Variants in DSC3 observed in about 807,000 individuals in gnomAD.
The protein encoded by DSC3 is desmocollin 3.
DSC3 carries 97 observed loss-of-function variants against 89.5 expected under a neutral mutation model. The ratio of observed to expected loss-of-function variants is 1.08; its 90% CI spans 0.92 to 1.28. The LOEUF (loss-of-function observed/expected upper bound fraction) is 1.28, where lower values mean the gene tolerates loss of function less well. Among genes scored for constraint, DSC3 ranks in the 50% most tolerant of loss-of-function variants. The pLI, the probability that DSC3 is intolerant of heterozygous loss-of-function variation, is 0.00. For synonymous variants in DSC3, 436 were observed against 384.1 expected (o/e 1.14, Z -1.58); for missense variants, 1,199 against 1,085.3 (o/e 1.10, Z -1.47).
Position 30,991,443 on chromosome 18 carries a change from T to A in DSC3, c.*2732A>T, listed in dbSNP as rs1984238345. The A allele has an allele frequency of 6.6e-6, 1 of 152,440 alleles. No individual in the cohort carries two copies. The highest frequency in any genetic ancestry group is 1.5e-5 in the Non-Finnish European group (1 of 68,040). The allele number at this position is 152,440 out of a possible 1,614,324, so 9.4% of individuals were successfully genotyped here. On this transcript the variant is annotated 3_prime_UTR_variant, in exon 16 of 16. Coordinates refer to ENST00000360428, the MANE Select transcript of DSC3 (RefSeq NM_001941.5). The stretch of plus-strand genomic sequence containing the variant: ...ATGAATCCCTAAAATTAAATTTTCA[T>A]TTGAGAGAAAAGAATTACAAATTCG...
At chr18:31,034,871 A>G (rs1985921246) in intron 1 of DSC3, among the ~76,000 whole-genome samples, 1 of 148,308 alleles carries the variant, frequency 6.7e-6, no homozygotes, top group Non-Finnish European at 1.5e-5. Context: ...CTAAAATTAG[A>G]TTATTGCACA....
Position 30,991,791 on chromosome 18 carries a change from G to T in DSC3, c.*2384C>A, listed in dbSNP as rs1471110169. ...CTGGCTTCTCGACTGTCTTTTGGTT[G>T]AGTATTTCAAGATTGATCCAATTCG... On this transcript the variant is annotated 3_prime_UTR_variant, in exon 16 of 16. Transcript: ENST00000360428. The T allele has an allele frequency of 6.6e-6, 1 of 152,138 alleles. No homozygotes were observed. Among genetic ancestry groups the T allele is most frequent in the Non-Finnish European group, 1.5e-5 (1 of 68,040 alleles). The allele number at this position is 152,138 out of a possible 1,614,324, so 9.4% of individuals were successfully genotyped here.
In DSC3 at chr18:31,036,267, A is replaced by G. The variant is rs544647402; in HGVS notation, c.70-3991T>C. ...TGACTTTTTCCATGTTGCCAACCTA[A>G]TGGCTGTTTTAATTTGCATTTTATT... is the stretch of plus-strand genomic sequence containing the variant. On this transcript the variant is annotated intron_variant, in intron 1 of 15. Transcript: ENST00000360428. Among the ~76,000 whole-genome samples, 3 of 152,184 alleles carry G rather than the reference A, an allele frequency of 2.0e-5. No individual in the cohort carries two copies. The East Asian group carries it at 5.8e-4, about 29-fold the overall frequency.
In DSC3 at chr18:30,993,333, T is replaced by C. The variant is rs1431000251; in HGVS notation, c.*842A>G. 3 of 152,156 alleles carry C rather than the reference T, an allele frequency of 2.0e-5. No individual in the cohort carries two copies. Among genetic ancestry groups the C allele is most frequent in the South Asian group, 2.1e-4 (1 of 4,830 alleles). 9.4% of individuals were successfully genotyped at this position (152,156 alleles called of 1,614,324 possible). ...ACAGACTGCAAAGCAAAGCTACTGT[T>C]CCATTGGATTCCCTATTTCCTTCCC... On this transcript the variant is annotated 3_prime_UTR_variant, in exon 16 of 16. Coordinates refer to ENST00000360428, the MANE Select transcript of DSC3 (RefSeq NM_001941.5).
intron 1 of DSC3, among the ~76,000 whole-genome samples, chr18:31,041,437 T>C (rs1388890376): frequency 1.3e-5 from 2 of 152,164 alleles, no homozygotes. Flanking sequence ...ACCAATCCCA[T>C]ATTCATACCT....
chr18:31,027,760 G>A (rs1216099542), intron 4 of DSC3, among the ~76,000 whole-genome samples: 2 of 152,116 alleles, frequency 1.3e-5, no homozygotes, highest in Non-Finnish European at 2.9e-5. Flanking sequence ...GCTAGCTTGA[G>A]GATTTGTTTC....
At chr18:30,996,656 G>T in intron 15 of DSC3, 135 bp downstream of exon 15, 1 of 904,572 alleles carries the variant, frequency 1.1e-6, no homozygotes, top group Non-Finnish European at 1.6e-6. Flanking sequence ...CAAAATCAAA[G>T]AGCACGGGAA....
chr18:31,039,731 G>A (rs1361712032), intron 1 of DSC3, among the ~76,000 whole-genome samples: 4 of 152,080 alleles, frequency 2.6e-5, no homozygotes, highest in Non-Finnish European at 2.9e-5. Context: ...ATTACAACAG[G>A]ATCCAAAAAT....
Position 31,042,737 on chromosome 18 carries a change from C to A in DSC3, c.-77G>T, listed in dbSNP as rs1446028905. 20 of 1,365,300 alleles carry A rather than the reference C, an allele frequency of 1.5e-5. No individual in the cohort carries two copies. The highest frequency in any genetic ancestry group is 1.8e-5 in the Non-Finnish European group (18 of 998,058). The allele number at this position is 1,365,300 out of a possible 1,614,324, so 84.6% of individuals were successfully genotyped here. ...GCGAGACCTGCCGAGGTGCAGGGCG[C>A]GGGAGGTGCTTTTCTCGCCGCTGCT... On this transcript the variant is annotated 5_prime_UTR_variant, in exon 1 of 16. Transcript: ENST00000360428.
intron 9 of DSC3, among the ~76,000 whole-genome samples, chr18:31,009,661 A>T (rs1984990805): frequency 6.6e-6 from 1 of 152,218 alleles, no homozygotes; most frequent in Admixed American, 6.6e-5. Context: ...TTATCATTGA[A>T]TCTAAGGCAC....
At chr18:31,013,434 C>G (rs539184710) in intron 9 of DSC3, among the ~76,000 whole-genome samples, 1 of 152,098 alleles carries the variant, frequency 6.6e-6, no homozygotes, top group East Asian at 1.9e-4. Context: ...ACCACAGAAG[C>G]CTCTGATAAA....
intron 2 of DSC3, among the ~76,000 whole-genome samples, chr18:31,031,706 C>CT (rs1985797376): frequency 6.6e-6 from 1 of 152,174 alleles, no homozygotes; most frequent in Admixed American, 6.5e-5. Flanking sequence ...CCAAAATACT[C>CT]TGTGTGTTCC....
chr18:31,012,215 G>A (rs945677090), intron 9 of DSC3, among the ~76,000 whole-genome samples: 1 of 152,112 alleles, frequency 6.6e-6, no homozygotes, highest in Admixed American at 6.5e-5. Context: ...GAGGAGGTAC[G>A]ATTAGCAAAG....
intron 9 of DSC3, among the ~76,000 whole-genome samples, chr18:31,011,300 T>A (rs1985047586): frequency 6.6e-6 from 1 of 152,210 alleles, no homozygotes; most frequent in East Asian, 1.9e-4. Flanking sequence ...CAGAGGCGAA[T>A]GAAGGGAATA....
intron 1 of DSC3, among the ~76,000 whole-genome samples, chr18:31,042,021 C>A (rs1281261672): frequency 6.6e-6 from 1 of 152,076 alleles, no homozygotes; most frequent in East Asian, 1.9e-4. Context: ...GGGTGGACCG[C>A]TTGGGTGAGC....
intron 1 of DSC3, among the ~76,000 whole-genome samples, chr18:31,035,045 C>T (rs1195548298): frequency 6.6e-6 from 1 of 151,960 alleles, no homozygotes; most frequent in African/African-American, 2.4e-5. Context: ...CAGTGAAAGG[C>T]CTTGTCAAAT....
chr18:30,997,414 G>A (rs528840716), intron 14 of DSC3, among the ~76,000 whole-genome samples: 2 of 152,224 alleles, frequency 1.3e-5, no homozygotes, highest in South Asian at 2.1e-4. Context: ...AGGAGCAACA[G>A]GGGGCTGAAC....
rs1181290057 is a variant in DSC3 at position 30,989,378 on chromosome 18, AT to A, written c.*4796del. 6.6e-6 allele frequency among the ~76,000 whole-genome samples: 1 copy of A among 152,168 alleles called. No homozygotes were observed. Among genetic ancestry groups the A allele is most frequent in the Non-Finnish European group, 1.5e-5 (1 of 68,028 alleles). ...CACAAGGCCACATATGTACGATTTC[AT>A]TTATATGAATGTCCAGAGTAGGCAA... is the stretch of plus-strand genomic sequence containing the variant. On this transcript the variant is annotated 3_prime_UTR_variant, in exon 16 of 16. Transcript: ENST00000360428.
At chr18:31,024,062 A>C (rs1257415348) in intron 6 of DSC3, among the ~76,000 whole-genome samples, 1 of 152,174 alleles carries the variant, frequency 6.6e-6, no homozygotes, top group Non-Finnish European at 1.5e-5. Context: ...AAAACCCACG[A>C]GGAAATGAAA....
Sources: allele counts gnomAD v4.1 joint callset (sites outside exome capture counted in the v4.1 genomes callset), GRCh38; gene constraint gnomAD v4.1.1; transcripts MANE v1.5; gene names NCBI Gene and HGNC (gene_info 2026-07-23, HGNC 2026-07-21).